Variants in ZNF37A observed in about 807,000 individuals in gnomAD.
The protein encoded by ZNF37A is zinc finger protein 37a (KOX 21).
In ZNF37A, 10 loss-of-function variants were observed where a neutral mutation model predicts 12.3. That is an observed-to-expected ratio of 0.82 (90% CI 0.50 to 1.38). ZNF37A has a LOEUF of 1.38. Among genes scored for constraint, ZNF37A ranks in the 40% most tolerant of loss-of-function variants. ZNF37A has a pLI of 0.00. For synonymous variants in ZNF37A, 207 were observed against 223.0 expected, an observed-to-expected ratio of 0.93 and a Z score of 0.64; for missense variants, 580 against 651.2, an observed-to-expected ratio of 0.89 and a Z score of 1.19.
chr10:38,129,687 A>T (rs1480039593), downstream of ZNF37A, among the ~76,000 whole-genome samples: 5 of 152,138 alleles, frequency 3.3e-5, no homozygotes, highest in East Asian at 9.6e-4. Flanking sequence ...GCCATTAGAG[A>T]TTTCATGTAT....
chr10:38,106,254 C>T (rs2068075965), intron 5 of ZNF37A, among the ~76,000 whole-genome samples: 1 of 152,146 alleles, frequency 6.6e-6, no homozygotes. Flanking sequence ...GCAGAGGGGC[C>T]TGACTATTAG....
chr10:38,141,846 A>G (rs68103671), intron 7 of ZNF37A: 33,678 of 152,172 alleles, frequency 0.22, 3,799 homozygotes, highest in Non-Finnish European at 0.24. Flanking sequence ...GTGGTGGCTC[A>G]TGCCTGTAAT....
chr10:38,120,360 TG>T lies in ZNF37A; in HGVS notation c.*1528del, dbSNP rs2069622068. ...GGGAGGATCACTTGAACCTGGGAGGTGGGGGTTTCAGTGAGCTGAGATCATG... is the reference window on the plus strand; with the variant it reads ...GGGAGGATCACTTGAACCTGGGAGGTGGGGTTTCAGTGAGCTGAGATCATG... On this transcript the variant is annotated 3_prime_UTR_variant, in exon 8 of 8. Transcript: ENST00000685332. The T allele has an allele frequency of 6.6e-6, 1 of 151,452 alleles. No individual in the cohort carries two copies. Among genetic ancestry groups the T allele is most frequent in the African/African-American group, 2.4e-5 (1 of 41,174 alleles). 9.4% of individuals were successfully genotyped at this position (151,452 alleles called of 1,614,324 possible).
At chr10:38,139,590 T>C (rs900405689) in intron 7 of ZNF37A, 6 of 152,306 alleles carry the variant, frequency 3.9e-5, no homozygotes, top group African/African-American at 1.4e-4. Context: ...ATGGTCTGGA[T>C]CTCTTGACCT....
intron 6 of ZNF37A, 83 bp from the exon 7 acceptor site, chr10:38,115,112 T>TAC (rs922146073): frequency 1.9e-6 from 2 of 1,030,226 alleles, no homozygotes; most frequent in Admixed American, 2.2e-5. Context: ...TGTGTGTGTG[T>TAC]GTGTACTGTT....
intron 7 of ZNF37A, among the ~76,000 whole-genome samples, chr10:38,133,761 G>A (rs1564386746): frequency 6.6e-6 from 1 of 152,114 alleles, no homozygotes. Flanking sequence ...TGTGAATAGT[G>A]CCGCAATAAA....
exon 8 of ZNF37A, chr10:38,146,872 G>T: frequency 2.5e-6 from 1 of 397,080 alleles, no homozygotes; most frequent in South Asian, 1.3e-4. Context: ...AGTGGGAATC[G>T]GGGATAACAG....
chr10:38,135,036 A>G (rs985125405), intron 7 of ZNF37A, among the ~76,000 whole-genome samples: 3 of 152,230 alleles, frequency 2.0e-5, no homozygotes, highest in Non-Finnish European at 2.9e-5. Flanking sequence ...GATTACATCT[A>G]GCATCCTAAA....
chr10:38,145,041 T>C (rs186496395), intron 7 of ZNF37A, among the ~76,000 whole-genome samples: 1 of 152,242 alleles, frequency 6.6e-6, no homozygotes, highest in Non-Finnish European at 1.5e-5. Context: ...AGCAGATACA[T>C]TGAAAGTTAA....
At chr10:38,150,134 C>G (rs546295735) in exon 8 of ZNF37A, 1 of 152,384 alleles carries the variant, frequency 6.6e-6, no homozygotes, top group East Asian at 1.9e-4. Context: ...TCAGCCCCCA[C>G]CACTCAAGGT....
chr10:38,118,646 C>A lies in ZNF37A; in HGVS notation c.1495C>A (p.Gln499Lys). ...AAGACAGAAACCCTATGGATGTAAT[C>A]AATGTGGAAAATCATTCTGTGTGAA... ...HIRQKPYGCN[Q>K]CGKSFCVKSK... The change falls in exon 8 of 8, where the codon CAA becomes AAA. Residue 499 changes from glutamine (Q) to lysine (K), a missense_variant. Coordinates refer to ENST00000685332, the MANE Select transcript of ZNF37A (RefSeq NM_001324250.3). 1 of 1,608,714 alleles carries A rather than the reference C, an allele frequency of 6.2e-7. No individual in the cohort carries two copies. The highest frequency in any genetic ancestry group is 1.3e-5 in the African/African-American group (1 of 74,490).
At chr10:38,144,081 T>C (rs1017683190) in intron 7 of ZNF37A, 2 of 152,246 alleles carry the variant, frequency 1.3e-5, no homozygotes, top group African/African-American at 4.8e-5. Flanking sequence ...AAGTGTCTTT[T>C]ATTGCAATTA....
At position 38,117,819 on chromosome 10, in the gene ZNF37A, C is replaced by A. The variant is rs775251239; in HGVS notation, c.668C>A (p.Pro223Gln). 4 of 1,613,974 alleles carry A rather than the reference C, an allele frequency of 2.5e-6. No individual in the cohort carries two copies. In the South Asian group the frequency reaches 4.4e-5, roughly 18 times the overall value. The part of the protein sequence containing the change: ...SILLEHQSVY[P>Q]FSQKLNLTPI... Reference sequence around the variant, plus strand: ...CTCCTTGAACATCAGAGTGTTTACCCATTCAGCCAGAAGTTAAATCTCACT... The same window carrying A: ...CTCCTTGAACATCAGAGTGTTTACCAATTCAGCCAGAAGTTAAATCTCACT... The change falls in exon 8 of 8, where the codon CCA (proline) becomes CAA (glutamine). Residue 223 changes from proline to glutamine, a missense_variant. Transcript: ENST00000685332.
chr10:38,099,914 A>G (rs1382260352), intron 5 of ZNF37A, among the ~76,000 whole-genome samples: 4 of 152,226 alleles, frequency 2.6e-5, no homozygotes, highest in African/African-American at 9.6e-5. Flanking sequence ...GACCATTTAT[A>G]TATCTTTTAT....
intron 5 of ZNF37A, among the ~76,000 whole-genome samples, chr10:38,106,358 C>T (rs565143188): frequency 6.6e-6 from 1 of 152,242 alleles, no homozygotes; most frequent in South Asian, 2.1e-4. Context: ...ACATCAAACA[C>T]CAAAGGTAAA....
At chr10:38,142,743 A>G (rs1445645105) in intron 7 of ZNF37A, 2 of 152,216 alleles carry the variant, frequency 1.3e-5, no homozygotes, top group Admixed American at 6.5e-5. Context: ...TTCAGGTGTG[A>G]CATTTTATGC....
At chr10:38,094,735 C>T (rs2067006905) in intron 1 of ZNF37A, among the ~76,000 whole-genome samples, 196 bp from the exon 2 acceptor site, 1 of 152,376 alleles carries the variant, frequency 6.6e-6, no homozygotes, top group African/African-American at 2.4e-5. Context: ...CCAATAGATG[C>T]GCGCTTCTCT....
chr10:38,112,662 G>A (rs957543913), intron 5 of ZNF37A, among the ~76,000 whole-genome samples: 9 of 149,038 alleles, frequency 6.0e-5, no homozygotes, highest in African/African-American at 2.2e-4. Flanking sequence ...TATTTTTCCA[G>A]TTTTTATTTT....
chr10:38,105,407 T>C (rs186558663), intron 5 of ZNF37A, among the ~76,000 whole-genome samples: 1 of 152,342 alleles, frequency 6.6e-6, no homozygotes, highest in East Asian at 1.9e-4. Context: ...ATATTAAATA[T>C]TCAAATCAGA....
Sources: gnomAD v4.1 joint callset for allele counts (sites outside exome capture counted in the v4.1 genomes callset) on GRCh38, gnomAD v4.1.1 for gene constraint, MANE v1.5 for transcripts, NCBI Gene and HGNC (gene_info 2026-07-23, HGNC 2026-07-21) for gene names.